Variants in RARB observed in about 807,000 individuals in gnomAD.
RARB encodes HBV-activated protein.
Under a neutral mutation model 51.9 loss-of-function variants are expected in RARB, and 17 were observed. That is an observed-to-expected ratio of 0.33 (90% CI 0.22 to 0.49). The LOEUF is 0.49. Among genes scored for constraint, RARB ranks in the 20% least tolerant of loss-of-function variants. The probability of loss-of-function intolerance (pLI) is 0.99; values close to 1 mark genes in which losing one functional copy is unlikely to be tolerated. For missense variants in RARB, 369 were observed against 550.8 expected (o/e 0.67, Z 3.30); for synonymous variants, 215 against 195.4 (o/e 1.10, Z -0.84).
At chr3:25,515,937 T>C (rs1285635027) in intron 3 of RARB, among the ~76,000 whole-genome samples, 5 of 152,248 alleles carry the variant, frequency 3.3e-5, no homozygotes. Flanking sequence ...AATTGTGTTA[T>C]CATCAAGAAG....
intron 4 of RARB, among the ~76,000 whole-genome samples, chr3:25,134,674 A>G (rs922710941): frequency 4.6e-5 from 7 of 152,054 alleles, no homozygotes; most frequent in African/African-American, 1.7e-4. Context: ...AGAATATTCT[A>G]CATTAAGAAC....
At chr3:25,295,834 T>C (rs1429012449) in intron 5 of RARB, among the ~76,000 whole-genome samples, 1 of 152,138 alleles carries the variant, frequency 6.6e-6, no homozygotes, top group Non-Finnish European at 1.5e-5. Context: ...GAAAATAATA[T>C]GTTGAGAACA....
intron 2 of RARB, among the ~76,000 whole-genome samples, chr3:24,905,472 G>T (rs1220642384): frequency 1.3e-5 from 2 of 152,152 alleles, no homozygotes; most frequent in Non-Finnish European, 2.9e-5. Context: ...ACTCATTATT[G>T]ATGGGCTGAC....
intron 4 of RARB, among the ~76,000 whole-genome samples, chr3:25,140,766 C>G (rs1700095770): frequency 6.6e-6 from 1 of 152,078 alleles, no homozygotes; most frequent in African/African-American, 2.4e-5. Context: ...TAGAAAACTT[C>G]ATTATTATCT....
chr3:25,526,960 G>C (rs1698678413), intron 3 of RARB, among the ~76,000 whole-genome samples: 1 of 152,216 alleles, frequency 6.6e-6, no homozygotes, highest in Non-Finnish European at 1.5e-5. Flanking sequence ...AGCAGGGTGT[G>C]TGTGGGAGGT....
intron 1 of RARB, among the ~76,000 whole-genome samples, chr3:24,846,168 T>C (rs1702484078): frequency 6.6e-6 from 1 of 152,242 alleles, no homozygotes; most frequent in Non-Finnish European, 1.5e-5. Context: ...ATTAATGTGC[T>C]GGCTCTGCAA....
At chr3:24,832,354 T>G (rs545554010) in intron 1 of RARB, among the ~76,000 whole-genome samples, 17 of 152,104 alleles carry the variant, frequency 1.1e-4, no homozygotes, top group African/African-American at 3.9e-4. Context: ...TGAGAATAGA[T>G]TCCATGTGAG....
chr3:25,359,917 A>C (rs1358753610), intron 5 of RARB, among the ~76,000 whole-genome samples: 1 of 152,166 alleles, frequency 6.6e-6, no homozygotes, highest in East Asian at 1.9e-4. Flanking sequence ...TTTTAGAATA[A>C]GTGCTATGTA....
At chr3:25,039,104 C>G (rs1698061186) in intron 2 of RARB, among the ~76,000 whole-genome samples, 1 of 152,200 alleles carries the variant, frequency 6.6e-6, no homozygotes, top group Non-Finnish European at 1.5e-5. Context: ...TCTCTTTCCA[C>G]TTGTCTGTAC....
Position 24,925,641 on chromosome 3 carries a change from G to GTC in RARB, c.-380+66891_-380+66892dup, listed in dbSNP as rs1194520749. On this transcript the variant is annotated intron_variant, in intron 2 of 11. Transcript: ENST00000383772. ...GGCCTGGGTGACAGAGCCAGATCCT[G>GTC]TCTTTTTTTTTTTTAAAAAAAAAAA... 7.9e-3 allele frequency among the ~76,000 whole-genome samples: 614 copies of GTC among 77,316 alleles called. 8 individuals are homozygous for GTC. Among genetic ancestry groups the GTC allele is most frequent in the African/African-American group, 0.034 (583 of 17,192 alleles). The allele number at this position is 77,316 out of a possible 152,430, so 50.7% of individuals were successfully genotyped here. A position where few individuals can be genotyped will look rare whatever the true frequency, so the allele number is the denominator to read the frequency against.
At chr3:25,108,941 C>G (rs906586029) in intron 3 of RARB, among the ~76,000 whole-genome samples, 1 of 152,120 alleles carries the variant, frequency 6.6e-6, no homozygotes, top group Non-Finnish European at 1.5e-5. Flanking sequence ...AATTAGCATG[C>G]AAACAGTGGG....
chr3:25,280,043 A>G (rs1703483888), intron 5 of RARB, among the ~76,000 whole-genome samples: 1 of 152,214 alleles, frequency 6.6e-6, no homozygotes, highest in Non-Finnish European at 1.5e-5. Flanking sequence ...AGAGAAAAGC[A>G]TACAAATTCA....
intron 1 of RARB, among the ~76,000 whole-genome samples, chr3:24,830,648 G>A (rs1702267555): frequency 6.7e-6 from 1 of 148,766 alleles, no homozygotes; most frequent in African/African-American, 2.5e-5. Flanking sequence ...TCCAGGACCA[G>A]GCGGCCAGAG....
At chr3:25,301,537 T>A (rs1263443342) in intron 5 of RARB, among the ~76,000 whole-genome samples, 1 of 152,224 alleles carries the variant, frequency 6.6e-6, no homozygotes. Context: ...AGAGCATGGA[T>A]ATGTACTTGT....
intron 2 of RARB, among the ~76,000 whole-genome samples, chr3:24,954,703 A>T (rs942380734): frequency 6.6e-6 from 1 of 152,090 alleles, no homozygotes; most frequent in Non-Finnish European, 1.5e-5. Flanking sequence ...TGGATTTAGT[A>T]GTAGAATTTG....
intron 1 of RARB, among the ~76,000 whole-genome samples, chr3:25,456,353 G>A (rs1694903483): frequency 1.3e-5 from 2 of 151,784 alleles, no homozygotes; most frequent in Admixed American, 6.6e-5. Context: ...GGGGGGTGGA[G>A]GAAGGCAAAA....
At chr3:24,958,260 T>TTTTTTTTG (rs1696062935) in intron 2 of RARB, among the ~76,000 whole-genome samples, 2 of 44,836 alleles carry the variant, frequency 4.5e-5, no homozygotes, top group South Asian at 8.0e-4. Flanking sequence ...CTCAGGTTTT[T>TTTTTTTTG]TTTTTTTTTT....
At chr3:24,977,302 T>C (rs1696539148) in intron 2 of RARB, among the ~76,000 whole-genome samples, 1 of 152,156 alleles carries the variant, frequency 6.6e-6, no homozygotes, top group South Asian at 2.1e-4. Flanking sequence ...GTGAAGAAAG[T>C]CAGTGGTAGC....
intron 3 of RARB, among the ~76,000 whole-genome samples, chr3:25,071,424 C>G (rs1046887491): frequency 2.7e-4 from 41 of 152,250 alleles, no homozygotes; most frequent in African/African-American, 8.9e-4. Flanking sequence ...ATATATCTTT[C>G]CCTCCACACC....
Sources: gnomAD v4.1 joint callset for allele counts (sites outside exome capture counted in the v4.1 genomes callset) on GRCh38, gnomAD v4.1.1 for gene constraint, MANE v1.5 for transcripts, NCBI Gene and HGNC (gene_info 2026-07-23, HGNC 2026-07-21) for gene names.